The following TSHZ2 variants were observed in gnomAD, a reference collection of about 807,000 sequenced individuals.
TSHZ2 encodes teashirt zinc finger homeobox 2, also known as teashirt homolog 2.
In TSHZ2, 21 loss-of-function variants were observed where a neutral mutation model predicts 74.4. The ratio of observed to expected loss-of-function variants is 0.28; its 90% CI spans 0.20 to 0.41. TSHZ2 has a LOEUF of 0.41. TSHZ2 is among the 10% of genes least tolerant of loss of function. The pLI is 1.00. For missense variants in TSHZ2, 1,244 were observed against 1,293.5 expected (o/e 0.96, Z 0.59); for synonymous variants, 540 against 515.3 (o/e 1.05, Z -0.65).
chr20:53,494,156 T>C lies in TSHZ2; in HGVS notation c.*7021T>C, dbSNP rs910538142. On this transcript the variant is annotated 3_prime_UTR_variant, in exon 3 of 3. Transcript: ENST00000371497. ...AAAAAACATTAGCAGGGCATGGTGG[T>C]GCGTGCCTGTAGTCCCAGCTACTTG... 6.6e-6 allele frequency: 1 copy of C among 152,074 alleles called. No individual in the cohort carries two copies. Among genetic ancestry groups the C allele is most frequent in the African/African-American group, 2.4e-5 (1 of 41,368 alleles). The allele number at this position is 152,074 out of a possible 1,614,324, so 9.4% of individuals were successfully genotyped here.
chr20:53,445,328 C>T (rs900519151), intron 2 of TSHZ2, among the ~76,000 whole-genome samples: 1 of 152,156 alleles, frequency 6.6e-6, no homozygotes, highest in Non-Finnish European at 1.5e-5. Flanking sequence ...CTACAGTGGA[C>T]AGGAAGATGA....
At chr20:53,362,130 G>T (rs936619465) in intron 2 of TSHZ2, among the ~76,000 whole-genome samples, 1 of 151,874 alleles carries the variant, frequency 6.6e-6, no homozygotes, top group Non-Finnish European at 1.5e-5. Flanking sequence ...GCCTCCCGAA[G>T]TGCTGGCATT....
chr20:53,119,468 C>G (rs1986753071), intron 1 of TSHZ2, among the ~76,000 whole-genome samples: 1 of 152,148 alleles, frequency 6.6e-6, no homozygotes, highest in Non-Finnish European at 1.5e-5. Context: ...GCTCAGAGCC[C>G]TCAGTGCAGT....
intron 2 of TSHZ2, among the ~76,000 whole-genome samples, chr20:53,310,790 A>T (rs1978748116): frequency 6.6e-6 from 1 of 152,176 alleles, no homozygotes; most frequent in South Asian, 2.1e-4. Context: ...CTCTTTCAAG[A>T]TGGAGGTCAC....
intron 1 of TSHZ2, among the ~76,000 whole-genome samples, chr20:52,983,863 AGTG>A (rs1981657052): frequency 6.6e-6 from 1 of 152,136 alleles, no homozygotes; most frequent in African/African-American, 2.4e-5. Flanking sequence ...GCGCTCTCCA[AGTG>A]GTGCTCCGAG....
intron 1 of TSHZ2, among the ~76,000 whole-genome samples, chr20:53,024,421 C>T (rs1983360250): frequency 6.6e-6 from 1 of 150,952 alleles, no homozygotes; most frequent in Non-Finnish European, 1.5e-5. Flanking sequence ...TTGTCCCTGA[C>T]CTCAAATAAT....
intron 2 of TSHZ2, among the ~76,000 whole-genome samples, chr20:53,314,287 C>CAAAAAAAAAAAAAAAA (rs5841941): frequency 4.6e-5 from 6 of 131,710 alleles, no homozygotes; most frequent in Non-Finnish European, 6.4e-5. Context: ...GACTCTGTCT[C>CAAAAAAAAAAAAAAAA]AAAAAAAAAA....
chr20:53,022,078 T>C (rs1159597589), intron 1 of TSHZ2, among the ~76,000 whole-genome samples: 3 of 152,128 alleles, frequency 2.0e-5, no homozygotes, highest in Non-Finnish European at 4.4e-5. Context: ...AAACCTAAGC[T>C]AAGAAGTGCT....
intron 2 of TSHZ2, among the ~76,000 whole-genome samples, chr20:53,314,947 A>G (rs145078121): frequency 2.6e-5 from 4 of 152,260 alleles, no homozygotes; most frequent in African/African-American, 9.6e-5. Flanking sequence ...TGCAACATGA[A>G]GGCAGGCTTC....
intron 1 of TSHZ2, among the ~76,000 whole-genome samples, chr20:52,994,733 T>C (rs534586070): frequency 6.6e-6 from 1 of 152,172 alleles, no homozygotes; most frequent in East Asian, 1.9e-4. Context: ...TTTTCCCTGG[T>C]TGGCCACTCT....
intron 1 of TSHZ2, among the ~76,000 whole-genome samples, chr20:53,030,991 C>T (rs2904294): frequency 0.15 from 22,113 of 152,136 alleles, 2,052 homozygotes; most frequent in East Asian, 0.26. Flanking sequence ...CGCCTTATTG[C>T]TGAATGTGGG....
rs184551835 is a variant in TSHZ2 at position 53,369,635 on chromosome 20, T to G, written c.*8+113064T>G. Among the ~76,000 whole-genome samples the G allele has an allele frequency of 2.3e-3, 352 of 152,044 alleles. 3 individuals carry two copies. The highest frequency in any genetic ancestry group is 8.2e-3 in the African/African-American group (341 of 41,470). On this transcript the variant is annotated intron_variant, in intron 2 of 2. Coordinates refer to ENST00000371497, the MANE Select transcript of TSHZ2 (RefSeq NM_173485.6). ...CTGAGGCAGAAGAATCACTTGAACC[T>G]GGGAGGCAGAGTTTGCAGTGGGCGG...
intron 1 of TSHZ2, among the ~76,000 whole-genome samples, chr20:53,027,276 A>G (rs932722550): frequency 1.3e-5 from 2 of 152,228 alleles, no homozygotes; most frequent in African/African-American, 2.4e-5. Context: ...ATGCATATGT[A>G]CAGTTCACAT....
intron 2 of TSHZ2, among the ~76,000 whole-genome samples, chr20:53,285,974 G>A (rs1991156622): frequency 6.6e-6 from 1 of 151,438 alleles, no homozygotes; most frequent in Admixed American, 6.6e-5. Flanking sequence ...TTGGGGAAGG[G>A]AAAACAGAGG....
intron 2 of TSHZ2, among the ~76,000 whole-genome samples, chr20:53,433,568 G>GAC (rs1983919617): frequency 2.2e-5 from 2 of 89,014 alleles, no homozygotes; most frequent in African/African-American, 9.2e-5. Flanking sequence ...AACCAACACA[G>GAC]ACACACAGAC....
At chr20:53,235,583 A>G (rs1245899240) in intron 1 of TSHZ2, among the ~76,000 whole-genome samples, 1 of 152,190 alleles carries the variant, frequency 6.6e-6, no homozygotes, top group Non-Finnish European at 1.5e-5. Context: ...TCACAGGATT[A>G]TTTCCAAAAT....
intron 2 of TSHZ2, among the ~76,000 whole-genome samples, chr20:53,467,229 T>G (rs1985589600): frequency 6.6e-6 from 1 of 152,170 alleles, no homozygotes; most frequent in South Asian, 2.1e-4. Context: ...AAGGGAAAAA[T>G]TTTCTTAGCT....
intron 1 of TSHZ2, among the ~76,000 whole-genome samples, chr20:53,250,873 TTGAAAA>T (rs1990311173): frequency 6.7e-6 from 1 of 149,154 alleles, no homozygotes; most frequent in South Asian, 2.2e-4. Context: ...TTCTCCTAGT[TTGAAAA>T]TGACTATACT....
At chr20:53,243,038 A>C (rs1990109120) in intron 1 of TSHZ2, among the ~76,000 whole-genome samples, 1 of 152,152 alleles carries the variant, frequency 6.6e-6, no homozygotes, top group African/African-American at 2.4e-5. Flanking sequence ...GATAGAAAAT[A>C]ACTTTGGTTG....
Sources: allele counts gnomAD v4.1 joint callset (sites outside exome capture counted in the v4.1 genomes callset), GRCh38; gene constraint gnomAD v4.1.1; transcripts MANE v1.5; gene names NCBI Gene and HGNC (gene_info 2026-07-23, HGNC 2026-07-21).